GPATCH2: variants seen among roughly 807,000 people sequenced by gnomAD.
The protein encoded by GPATCH2 is G patch domain-containing protein 2.
A neutral mutation model predicts 58.0 loss-of-function variants in GPATCH2; 51 were observed. That is an observed-to-expected ratio of 0.88 (90% CI 0.70 to 1.11). The LOEUF is 1.11. Ranked by LOEUF, GPATCH2 falls within the 50% of genes most tolerant of loss-of-function variation. GPATCH2 has a pLI of 0.00. For synonymous variants in GPATCH2, 222 were observed against 218.5 expected (o/e 1.02, Z -0.14); for missense variants, 625 against 652.2 (o/e 0.96, Z 0.45).
At chr1:217,434,155 C>G (rs1381112868) in intron 9 of GPATCH2, among the ~76,000 whole-genome samples, 1 of 152,188 alleles carries the variant, frequency 6.6e-6, no homozygotes, top group Non-Finnish European at 1.5e-5. Context: ...CCTTCAACTA[C>G]TTGCCTCTTG....
At chr1:217,476,091 A>G (rs1660955624) in intron 8 of GPATCH2, among the ~76,000 whole-genome samples, 1 of 152,186 alleles carries the variant, frequency 6.6e-6, no homozygotes, top group Admixed American at 6.5e-5. Context: ...AGGCACATAG[A>G]ACAAAAAGCA....
At chr1:217,584,344 AATATATATAT>A (rs71556690) in intron 5 of GPATCH2, among the ~76,000 whole-genome samples, 23,227 of 102,108 alleles carry the variant, frequency 0.23, 2,876 homozygotes, top group East Asian at 0.5. Context: ...AAAAAAAAAA[AATATATATAT>A]ATATATATAT....
At chr1:217,613,229 T>C (rs1215646787) in intron 3 of GPATCH2, among the ~76,000 whole-genome samples, 1 of 152,102 alleles carries the variant, frequency 6.6e-6, no homozygotes, top group Non-Finnish European at 1.5e-5. Flanking sequence ...CCTATTCATT[T>C]AGGACAAATA....
In GPATCH2 at chr1:217,436,160, C is replaced by T. The variant is rs552854779; in HGVS notation, c.1367-4795G>A. Among the ~76,000 whole-genome samples the T allele has an allele frequency of 3.3e-5, 5 of 151,260 alleles. No individual in the cohort carries two copies. In the South Asian group the frequency reaches 8.3e-4, roughly 25 times the overall value. Reference sequence around the variant, plus strand: ...ACCGAAACATATTTCTTATGGAATGCTTATGTATCAAACAGTATGCATTTT... The same window carrying T: ...ACCGAAACATATTTCTTATGGAATGTTTATGTATCAAACAGTATGCATTTT... On this transcript the variant is annotated intron_variant, in intron 9 of 9. Coordinates refer to ENST00000366935, the MANE Select transcript of GPATCH2 (RefSeq NM_018040.5).
chr1:217,588,459 C>T lies in GPATCH2; in HGVS notation c.1098+21862G>A, dbSNP rs541553320. On this transcript the variant is annotated intron_variant, in intron 5 of 9. Transcript: ENST00000366935. Reference sequence around the variant, plus strand: ...ATTATGACTATCAGGATGATCTCTTCATTAGAAAGGTCGAAGTTTCTTTTT... The same window carrying T: ...ATTATGACTATCAGGATGATCTCTTTATTAGAAAGGTCGAAGTTTCTTTTT... Among the ~76,000 whole-genome samples the T allele has an allele frequency of 2.6e-5, 4 of 152,152 alleles. No homozygotes were observed. In the South Asian group the frequency reaches 8.3e-4, roughly 32 times the overall value.
rs375817492 is a variant in GPATCH2 at position 217,431,243 on chromosome 1, T to G, written c.1489A>C (p.Ile497Leu). The G allele has an allele frequency of 1.9e-6, 3 of 1,610,546 alleles. No individual in the cohort carries two copies. The highest frequency in any genetic ancestry group is 1.7e-4 in the Middle Eastern group (1 of 6,054). The change falls in exon 10 of 10, where the codon ATT (isoleucine) becomes CTT (leucine). Residue 497 changes from isoleucine to leucine, a missense_variant. By Grantham distance (5) the Ile-to-Leu change is conservative. Transcript: ENST00000366935. The part of the protein sequence containing the change: ...GRDGKGISEP[I>L]QAMQRPKGLG... ...CCCTTTGGCCTCTGCATGGCTTGAA[T>G]TGGCTCAGAGATCCCCTTGCCATCT...
chr1:217,577,900 A>C (rs1025640004), intron 5 of GPATCH2, among the ~76,000 whole-genome samples: 2 of 151,996 alleles, frequency 1.3e-5, no homozygotes, highest in South Asian at 4.2e-4. Flanking sequence ...GGAATGCGCC[A>C]CCACCCCTGG....
intron 5 of GPATCH2, among the ~76,000 whole-genome samples, chr1:217,573,292 T>G (rs1047767715): frequency 6.6e-6 from 1 of 152,128 alleles, no homozygotes; most frequent in Admixed American, 6.5e-5. Context: ...AGAGGGTCTT[T>G]GTTGTTGTAA....
At chr1:217,576,229 C>T (rs1666796482) in intron 5 of GPATCH2, among the ~76,000 whole-genome samples, 1 of 152,074 alleles carries the variant, frequency 6.6e-6, no homozygotes, top group Admixed American at 6.5e-5. Flanking sequence ...TTTTTCCTGT[C>T]ACATGTAATG....
intron 5 of GPATCH2, among the ~76,000 whole-genome samples, chr1:217,524,485 G>A (rs1357471063): frequency 6.6e-6 from 1 of 151,888 alleles, no homozygotes; most frequent in South Asian, 2.1e-4. Context: ...CTGCAATCTC[G>A]GCTCTTTAGG....
intron 5 of GPATCH2, among the ~76,000 whole-genome samples, chr1:217,520,487 A>G (rs1020764757): frequency 1.3e-5 from 2 of 152,198 alleles, no homozygotes; most frequent in Non-Finnish European, 2.9e-5. Context: ...TTGACAAACA[A>G]TCTTGCTCTT....
intron 6 of GPATCH2, among the ~76,000 whole-genome samples, chr1:217,513,741 T>C (rs1353501609): frequency 2.6e-5 from 4 of 152,146 alleles, no homozygotes; most frequent in African/African-American, 7.2e-5. Flanking sequence ...AATGGAAATA[T>C]ATTCTGGTTG....
At chr1:217,574,166 T>C (rs1269591902) in intron 5 of GPATCH2, among the ~76,000 whole-genome samples, 2 of 152,150 alleles carry the variant, frequency 1.3e-5, no homozygotes, top group Non-Finnish European at 2.9e-5. Flanking sequence ...GCTGAGTAAA[T>C]AGAAAAATAA....
chr1:217,596,588 T>C (rs1194418294), intron 5 of GPATCH2, among the ~76,000 whole-genome samples: 1 of 152,192 alleles, frequency 6.6e-6, no homozygotes, highest in Non-Finnish European at 1.5e-5. Context: ...TAATGAATAG[T>C]AATCAAATAT....
intron 2 of GPATCH2, among the ~76,000 whole-genome samples, chr1:217,618,181 G>A (rs1571664252): frequency 6.8e-6 from 1 of 146,116 alleles, no homozygotes; most frequent in African/African-American, 2.5e-5. Flanking sequence ...TTTCTTGCAA[G>A]AAAAACAGAT....
intron 6 of GPATCH2, among the ~76,000 whole-genome samples, chr1:217,505,353 C>G (rs1662498705): frequency 6.6e-6 from 1 of 152,018 alleles, no homozygotes; most frequent in Non-Finnish European, 1.5e-5. Context: ...GGTTGGTAAC[C>G]CTGTGGAGTA....
intron 5 of GPATCH2, among the ~76,000 whole-genome samples, chr1:217,569,040 A>G (rs1038050141): frequency 8.5e-5 from 13 of 152,098 alleles, no homozygotes; most frequent in African/African-American, 3.1e-4. Context: ...AATGAATGAC[A>G]TTAGTAAAAT....
chr1:217,510,271 C>G (rs1662780614), intron 6 of GPATCH2, among the ~76,000 whole-genome samples: 1 of 151,778 alleles, frequency 6.6e-6, no homozygotes, highest in Non-Finnish European at 1.5e-5. Context: ...TATAAATTAT[C>G]AACATGTTGA....
intron 5 of GPATCH2, chr1:217,609,972 AG>A: frequency 5.3e-6 from 7 of 1,323,092 alleles, no homozygotes; most frequent in Non-Finnish European, 6.7e-6. Flanking sequence ...AAGCCTCCCC[AG>A]TCAGGTTCAC....
Sources: gnomAD v4.1 joint callset for allele counts (sites outside exome capture counted in the v4.1 genomes callset) on GRCh38, gnomAD v4.1.1 for gene constraint, MANE v1.5 for transcripts, NCBI Gene and HGNC (gene_info 2026-07-23, HGNC 2026-07-21) for gene names.